The following AMN1 variants were observed in gnomAD, a reference collection of about 807,000 sequenced individuals.
The protein encoded by AMN1 is antagonist of mitotic exit network 1 homolog.
In AMN1, 20 loss-of-function variants were observed where a neutral mutation model predicts 33.0. That is an observed-to-expected ratio of 0.61 (90% CI 0.43 to 0.88). AMN1 has a LOEUF of 0.88. Ranked by LOEUF, AMN1 falls within the 40% of genes least tolerant of loss-of-function variation. AMN1 has a pLI of 0.00. For synonymous variants in AMN1, 114 were observed against 111.9 expected (o/e 1.02, Z -0.12); for missense variants, 246 against 307.4 (o/e 0.80, Z 1.49).
chr12:31,728,186 CTCCTTA>C (rs1288847488), intron 1 of AMN1, among the ~76,000 whole-genome samples: 1 of 152,132 alleles, frequency 6.6e-6, no homozygotes, highest in Admixed American at 6.6e-5. Context: ...GGAGATTGTT[CTCCTTA>C]TCCTTAAGAT....
chr12:31,717,372 T>C (rs1436943089), intron 1 of AMN1, among the ~76,000 whole-genome samples: 5 of 152,216 alleles, frequency 3.3e-5, no homozygotes, highest in Non-Finnish European at 7.3e-5. Context: ...GTTGGTTCCA[T>C]GTCTTTGCTA....
At chr12:31,694,206 C>T (rs1178572745) in intron 5 of AMN1, among the ~76,000 whole-genome samples, 2 of 150,982 alleles carry the variant, frequency 1.3e-5, no homozygotes, top group African/African-American at 4.9e-5. Context: ...CTTTGGGGGG[C>T]CAAGGAGGGT....
chr12:31,674,136 C>T (rs1041977324), intron 6 of AMN1, among the ~76,000 whole-genome samples: 5 of 151,990 alleles, frequency 3.3e-5, no homozygotes, highest in East Asian at 3.9e-4. Flanking sequence ...GGGCTGGGTG[C>T]GGTGGCTCAC....
chr12:31,717,552 T>C (rs1302795733), intron 1 of AMN1, among the ~76,000 whole-genome samples: 1 of 152,226 alleles, frequency 6.6e-6, no homozygotes, highest in East Asian at 1.9e-4. Context: ...TCTTCTCTAG[T>C]GTCAAGCTAC....
Position 31,709,326 on chromosome 12 carries a change from C to A in AMN1, c.138G>T (p.Met46Ile), listed in dbSNP as rs1229382119. Residue 46 changes from methionine to isoleucine, a missense_variant, in exon 2 of 7, where the codon ATG becomes ATT. Coordinates refer to ENST00000281471, the MANE Select transcript of AMN1 (RefSeq NM_001113402.2). ...IKDRLIKIMS[M>I]QGQITDSNIS... Reference sequence around the variant, plus strand: ...TATTTGAATCTGTTATCTGTCCCTGCATACTCATTATTTTAATCAGTCTGT... The same window carrying A: ...TATTTGAATCTGTTATCTGTCCCTGAATACTCATTATTTTAATCAGTCTGT... The A allele has an allele frequency of 2.5e-6, 4 of 1,613,796 alleles. No individual in the cohort carries two copies. The highest frequency in any genetic ancestry group is 3.4e-6 in the Non-Finnish European group (4 of 1,179,788).
intron 1 of AMN1, 56 bp from the exon 2 acceptor site, chr12:31,709,481 C>T: frequency 6.5e-7 from 1 of 1,549,522 alleles, no homozygotes; most frequent in Non-Finnish European, 8.7e-7. Flanking sequence ...ATTCCTAACA[C>T]TTGTCTTAAT....
chr12:31,693,343 C>T (rs1810940316), intron 5 of AMN1, among the ~76,000 whole-genome samples: 1 of 151,968 alleles, frequency 6.6e-6, no homozygotes, highest in Non-Finnish European at 1.5e-5. Context: ...GTTCAAGCCT[C>T]AGCCTCCTGA....
rs531432214 is a variant in AMN1, at chr12:31,676,524, A to G, written c.704-4147T>C. On this transcript the variant is annotated intron_variant, in intron 6 of 6. Coordinates refer to ENST00000281471, the MANE Select transcript of AMN1 (RefSeq NM_001113402.2). ...TTTTTAGTAGAGATGGGGTTTCACC[A>G]TGTTAGCCAGGATGGTCTCGATCTC... Among the ~76,000 whole-genome samples the G allele has an allele frequency of 6.4e-3, 955 of 149,268 alleles. 11 individuals are homozygous for G. The highest frequency in any genetic ancestry group is 0.028 in the South Asian group (126 of 4,494).
chr12:31,698,565 C>T (rs1938839741), intron 3 of AMN1, among the ~76,000 whole-genome samples: 1 of 152,060 alleles, frequency 6.6e-6, no homozygotes. Flanking sequence ...ATATAAGTGC[C>T]CATTGGAGAT....
At chr12:31,696,163 G>A (rs183986818) in intron 5 of AMN1, among the ~76,000 whole-genome samples, 276 of 151,970 alleles carry the variant, frequency 1.8e-3, no homozygotes, top group Middle Eastern at 3.4e-3. Context: ...CTTGAACTTG[G>A]GACATGGAAG....
chr12:31,709,886 C>G (rs1358365521), intron 1 of AMN1, among the ~76,000 whole-genome samples: 1 of 152,118 alleles, frequency 6.6e-6, no homozygotes, highest in Non-Finnish European at 1.5e-5. Context: ...GCTCTGTAAG[C>G]TTCAAAAACC....
chr12:31,709,173 T>TAA (rs371429545), intron 2 of AMN1, 120 bp downstream of exon 2: 2,045 of 924,480 alleles, frequency 2.2e-3, no homozygotes, highest in East Asian at 4.1e-3. Flanking sequence ...TGACCCTGTA[T>TAA]AAAAAAAAAA....
rs144424311 is a variant in AMN1, at chr12:31,691,581, A to C, written c.592-2463T>G. 3.0e-3 allele frequency among the ~76,000 whole-genome samples: 463 copies of C among 152,298 alleles called. 5 individuals are homozygous for C. Among genetic ancestry groups the C allele is most frequent in the African/African-American group, 0.01 (434 of 41,564 alleles). On this transcript the variant is annotated intron_variant, in intron 5 of 6. Transcript: ENST00000281471. ...TAAATTATACCTCAATTATACCTGA[A>C]AAATTTCAGAAAACATAATTTTGAA...
upstream of AMN1, chr12:31,729,078 C>T (rs1362885989): frequency 5.6e-6 from 8 of 1,429,370 alleles, no homozygotes; most frequent in Middle Eastern, 1.8e-4. Context: ...CGTCCGCCAA[C>T]TCCCGCCCAC....
intron 1 of AMN1, among the ~76,000 whole-genome samples, chr12:31,725,631 T>G (rs1940032713): frequency 6.6e-6 from 1 of 152,222 alleles, no homozygotes; most frequent in East Asian, 1.9e-4. Flanking sequence ...CTTCCTATCA[T>G]CTACAAAGTT....
chr12:31,703,375 G>C (rs1939091512), intron 2 of AMN1, among the ~76,000 whole-genome samples: 1 of 152,178 alleles, frequency 6.6e-6, no homozygotes, highest in South Asian at 2.1e-4. Context: ...CTGAAGTTTA[G>C]GCTTCAATTG....
chr12:31,707,414 C>G (rs1170122926), intron 2 of AMN1, among the ~76,000 whole-genome samples: 2 of 152,156 alleles, frequency 1.3e-5, no homozygotes, highest in East Asian at 1.9e-4. Flanking sequence ...CATTTTGTTC[C>G]TGAATGTCAT....
At chr12:31,714,161 T>A (rs1354817593) in intron 1 of AMN1, among the ~76,000 whole-genome samples, 1 of 152,048 alleles carries the variant, frequency 6.6e-6, no homozygotes, top group East Asian at 1.9e-4. Flanking sequence ...GCCCAAAAAA[T>A]TTTCCAATTC....
At position 31,697,734 on chromosome 12, in the gene AMN1, A is replaced by G. The variant is rs1386774639; in HGVS notation, c.534+6T>C. On this transcript the variant is annotated splice_donor_region_variant and intron_variant, in intron 4 of 6. Transcript: ENST00000281471. ...TCTATATGTTTGTAGCCTATATGTC[A>G]TTTACCTGAGTAGCTGAAAAGTCGA... 3 of 1,612,686 alleles carry G rather than the reference A, an allele frequency of 1.9e-6. No homozygotes were observed. The South Asian group carries it at 3.3e-5, about 18-fold the overall frequency.
Sources: allele counts gnomAD v4.1 joint callset (sites outside exome capture counted in the v4.1 genomes callset), GRCh38; gene constraint gnomAD v4.1.1; transcripts MANE v1.5; gene names NCBI Gene and HGNC (gene_info 2026-07-23, HGNC 2026-07-21).